Variants in TMEFF2 observed in about 807,000 individuals in gnomAD.
TMEFF2 encodes tomoregulin-2.
Under a neutral mutation model 53.8 loss-of-function variants are expected in TMEFF2, and 28 were observed. The ratio of observed to expected loss-of-function variants is 0.52; its 90% confidence interval spans 0.39 to 0.71. The LOEUF (loss-of-function observed/expected upper bound fraction) is 0.71, where lower values mean the gene tolerates loss of function less well. TMEFF2 is among the 30% of genes least tolerant of loss of function. The probability of loss-of-function intolerance (pLI) is 0.00; values close to 1 mark genes in which losing one functional copy is unlikely to be tolerated. For missense variants in TMEFF2, 353 were observed against 455.2 expected, an observed-to-expected ratio of 0.78 and a Z score of 2.04; for synonymous variants, 162 against 166.3, an observed-to-expected ratio of 0.97 and a Z score of 0.20.
At chr2:192,161,861 C>CT (rs534264816) in intron 4 of TMEFF2, among the ~76,000 whole-genome samples, 112 of 152,238 alleles carry the variant, frequency 7.4e-4, no homozygotes, top group African/African-American at 2.6e-3. Flanking sequence ...AAGTGTGATT[C>CT]TTTTTTCATT....
At chr2:192,157,087 A>G (rs1012544520) in intron 4 of TMEFF2, among the ~76,000 whole-genome samples, 23 of 152,026 alleles carry the variant, frequency 1.5e-4, no homozygotes, top group African/African-American at 5.1e-4. Flanking sequence ...ATTTAATATG[A>G]ATATTGTGAT....
intron 4 of TMEFF2, among the ~76,000 whole-genome samples, chr2:192,105,225 A>C (rs1689118378): frequency 6.6e-6 from 1 of 151,956 alleles, no homozygotes; most frequent in Non-Finnish European, 1.5e-5. Flanking sequence ...GATTATATAC[A>C]TATTTTATGA....
chr2:191,969,304 A>C (rs1692564650), intron 7 of TMEFF2, among the ~76,000 whole-genome samples: 1 of 152,126 alleles, frequency 6.6e-6, no homozygotes, highest in African/African-American at 2.4e-5. Flanking sequence ...CTTTGAAAAA[A>C]TTAATGCCCC....
At chr2:191,998,230 G>A (rs780283101) in intron 7 of TMEFF2, 32 bp downstream of exon 7, 18 of 1,518,062 alleles carry the variant, frequency 1.2e-5, no homozygotes, top group Non-Finnish European at 1.3e-5. Context: ...TAATAGAAGA[G>A]CTCACATTTT....
intron 5 of TMEFF2, among the ~76,000 whole-genome samples, chr2:192,025,095 C>T (rs529467132): frequency 1.2e-4 from 19 of 152,124 alleles, no homozygotes; most frequent in African/African-American, 2.7e-4. Context: ...AGTAATGATC[C>T]GAGGGAAATG....
chr2:191,950,521 AAG>A, intron 9 of TMEFF2, 114 bp from the exon 10 acceptor site: 1 of 1,420,386 alleles, frequency 7.0e-7, no homozygotes, highest in Non-Finnish European at 9.9e-7. Context: ...TTTCAGATGA[AAG>A]AATTTATCAT....
chr2:192,053,988 C>T (rs1484534922), intron 5 of TMEFF2, among the ~76,000 whole-genome samples: 1 of 152,134 alleles, frequency 6.6e-6, no homozygotes, highest in African/African-American at 2.4e-5. Context: ...TTATTGCTTA[C>T]ATTCAACATT....
chr2:192,179,831 G>A (rs1021210952), intron 3 of TMEFF2, 137 bp from the exon 4 acceptor site: 78 of 614,436 alleles, frequency 1.3e-4, no homozygotes, highest in African/African-American at 7.0e-4. Context: ...ATCCAAAAAC[G>A]TACATTCACA....
At position 191,949,083 on chromosome 2, in the gene TMEFF2, G is replaced by C; in HGVS notation, c.*1228C>G. The C allele has an allele frequency of 2.0e-6, 2 of 984,864 alleles. No homozygotes were observed. The highest frequency in any genetic ancestry group is 2.4e-6 in the Non-Finnish European group (2 of 829,682). 61.0% of individuals were successfully genotyped at this position (984,864 alleles called of 1,614,324 possible). On this transcript the variant is annotated 3_prime_UTR_variant, in exon 10 of 10. Transcript: ENST00000272771. ...AAAGAGAGCTTTATTTAAATTTACT[G>C]TGTTAGCCATGGAAAGCTTTGCAGA...
chr2:192,193,023 A>G (rs572971660), intron 1 of TMEFF2, among the ~76,000 whole-genome samples: 96 of 152,336 alleles, frequency 6.3e-4, no homozygotes, highest in Non-Finnish European at 1.1e-3. Context: ...TTTGTAAAGG[A>G]TAAATTAGAA....
rs1361945949 is a variant in TMEFF2, at chr2:191,953,636, A to AT, written c.1028+42dup. 6 of 1,600,344 alleles carry AT rather than the reference A, an allele frequency of 3.7e-6. No individual in the cohort carries two copies. The African/African-American group carries it at 4.0e-5, about 11-fold the overall frequency. ...GATCTGATTAAATAAAAGAGTAACAATATATCCCTTTATTTGGGTAGCCAC... is the reference window on the plus strand; with the variant it reads ...GATCTGATTAAATAAAAGAGTAACAATTATATCCCTTTATTTGGGTAGCCAC... On this transcript the variant is annotated intron_variant, in intron 9 of 9. Transcript: ENST00000272771.
At chr2:192,158,139 T>C (rs1690549086) in intron 4 of TMEFF2, among the ~76,000 whole-genome samples, 1 of 152,078 alleles carries the variant, frequency 6.6e-6, no homozygotes, top group Admixed American at 6.6e-5. Context: ...CATAAAAATG[T>C]GAATTTCACA....
chr2:191,996,037 A>T (rs1372944680), intron 7 of TMEFF2, among the ~76,000 whole-genome samples: 3 of 151,874 alleles, frequency 2.0e-5, no homozygotes, highest in Admixed American at 6.6e-5. Context: ...AAAAAATGCC[A>T]ATTAAGAACA....
intron 5 of TMEFF2, among the ~76,000 whole-genome samples, chr2:192,009,820 C>T (rs1686584026): frequency 6.6e-6 from 1 of 152,054 alleles, no homozygotes; most frequent in Non-Finnish European, 1.5e-5. Context: ...TAAATGTTTG[C>T]ATCTGTTCAA....
chr2:192,179,798 T>C (rs1691142094), intron 3 of TMEFF2, 104 bp from the exon 4 acceptor site: 3 of 1,015,196 alleles, frequency 3.0e-6, no homozygotes, highest in South Asian at 2.4e-5. Context: ...AATAATATTG[T>C]TTGAGAAAAA....
intron 1 of TMEFF2, among the ~76,000 whole-genome samples, chr2:192,192,206 T>C (rs1691478615): frequency 6.6e-6 from 1 of 152,200 alleles, no homozygotes; most frequent in Non-Finnish European, 1.5e-5. Flanking sequence ...CAATTCTCCT[T>C]TAGTATCCTT....
intron 4 of TMEFF2, among the ~76,000 whole-genome samples, chr2:192,115,482 G>C (rs1032430027): frequency 9.2e-5 from 14 of 151,822 alleles, no homozygotes; most frequent in Admixed American, 7.2e-4. Flanking sequence ...AGATAAACAC[G>C]TGGAATTACA....
chr2:191,964,332 CCTT>C (rs1559063272), intron 7 of TMEFF2, among the ~76,000 whole-genome samples: 61 of 103,990 alleles, frequency 5.9e-4, no homozygotes, highest in African/African-American at 2.6e-3. Context: ...TCCTTTCTTT[CCTT>C]CTTTCTTTCT....
At chr2:191,982,327 T>A (rs1034696712) in intron 7 of TMEFF2, among the ~76,000 whole-genome samples, 2 of 152,122 alleles carry the variant, frequency 1.3e-5, no homozygotes, top group African/African-American at 4.8e-5. Context: ...ACGGAGGTTA[T>A]GGTCAAATGT....
Sources: gnomAD v4.1 joint callset for allele counts (sites outside exome capture counted in the v4.1 genomes callset) on GRCh38, gnomAD v4.1.1 for gene constraint, MANE v1.5 for transcripts, NCBI Gene and HGNC (gene_info 2026-07-23, HGNC 2026-07-21) for gene names.